The following PRRC2C variants were observed in gnomAD, a reference collection of about 807,000 sequenced individuals.
PRRC2C encodes proline rich coiled-coil 2C, also known as protein PRRC2C.
A neutral mutation model predicts 317.2 loss-of-function variants in PRRC2C; 72 were observed. That is an observed-to-expected ratio of 0.23 (90% CI 0.19 to 0.28). PRRC2C has a LOEUF of 0.28. Ranked by LOEUF, PRRC2C falls within the 10% of genes least tolerant of loss-of-function variation. The pLI, the probability that PRRC2C is intolerant of heterozygous loss-of-function variation, is 1.00. For synonymous variants in PRRC2C, 1,296 were observed against 1,205.9 expected, an observed-to-expected ratio of 1.07 and a Z score of -1.55; for missense variants, 3,074 against 3,459.7, an observed-to-expected ratio of 0.89 and a Z score of 2.80.
intron 1 of PRRC2C, among the ~76,000 whole-genome samples, chr1:171,499,688 C>G (rs1488342945): frequency 6.6e-6 from 1 of 152,110 alleles, no homozygotes; most frequent in Non-Finnish European, 1.5e-5. Context: ...CCTGTAATCC[C>G]AGCTACTCTG....
intron 33 of PRRC2C, 94 bp from the exon 34 acceptor site, chr1:171,589,275 A>ACT (rs1650788674): frequency 1.7e-6 from 1 of 584,362 alleles, no homozygotes; most frequent in Non-Finnish European, 2.5e-6. Flanking sequence ...GCACAGATTT[A>ACT]CTCTGGGATG....
At chr1:171,514,734 G>A in intron 4 of PRRC2C, 89 bp downstream of exon 4, 1 of 1,124,958 alleles carries the variant, frequency 8.9e-7, no homozygotes, top group Non-Finnish European at 1.3e-6. Flanking sequence ...TGTTTTGGTA[G>A]AGCCATAAAG....
chr1:171,535,545 G>A lies in PRRC2C; in HGVS notation c.1991G>A (p.Gly664Asp). Residue 664 changes from glycine (G) to aspartate (D), a missense_variant, in exon 13 of 35, where the codon GGC becomes GAC. By Grantham distance (94) the Gly-to-Asp change is moderately conservative. Transcript: ENST00000647382. ...GSQPRPAVLS[G>D]YFKQFQKSLP... is the part of the protein sequence containing the mutation. ...CAACCTCGGCCGGCTGTATTATCTG[G>A]CTATTTCAAACAGTTTCAGAAGTCT... is the stretch of plus-strand genomic sequence containing the variant. The A allele has an allele frequency of 6.2e-7, 1 of 1,613,970 alleles. No homozygotes were observed. The highest frequency in any genetic ancestry group is 8.5e-7 in the Non-Finnish European group (1 of 1,179,878).
intron 28 of PRRC2C, among the ~76,000 whole-genome samples, chr1:171,583,011 C>T (rs1649042163): frequency 6.6e-6 from 1 of 152,164 alleles, no homozygotes; most frequent in Non-Finnish European, 1.5e-5. Flanking sequence ...GAGACAAGGT[C>T]TGTGTCACCC....
chr1:171,591,397 A>G lies in PRRC2C; in HGVS notation c.8437-190A>G, dbSNP rs1008450211. 3.3e-5 allele frequency: 20 copies of G among 604,226 alleles called. No homozygotes were observed. The African/African-American group carries it at 3.5e-4, about 11-fold the overall frequency. The allele number at this position is 604,226 out of a possible 1,614,324, so 37.4% of individuals were successfully genotyped here. A position where few individuals can be genotyped will look rare whatever the true frequency, so the allele number is the denominator to read the frequency against. On this transcript the variant is annotated intron_variant, in intron 34 of 34. Coordinates refer to ENST00000647382, the MANE Select transcript of PRRC2C (RefSeq NM_001387844.1). Reference sequence around the variant, plus strand: ...GGTTTTTTTTTTTTTTTTAAATCACATGAAATATTTCAAAAATAGGAAGAA... The same window carrying G: ...GGTTTTTTTTTTTTTTTTAAATCACGTGAAATATTTCAAAAATAGGAAGAA...
intron 12 of PRRC2C, among the ~76,000 whole-genome samples, chr1:171,534,649 C>T (rs1676490461): frequency 6.6e-6 from 1 of 151,886 alleles, no homozygotes; most frequent in Admixed American, 6.6e-5. Context: ...TGGTCTCAAA[C>T]TCCCAGGCTA....
intron 20 of PRRC2C, 27 bp downstream of exon 20, chr1:171,561,130 G>T: frequency 6.5e-7 from 1 of 1,537,846 alleles, no homozygotes; most frequent in Non-Finnish European, 9.0e-7. Flanking sequence ...AACAGCATAG[G>T]TGTGCTGGAT....
At chr1:171,588,051 C>T (rs1201768357) in intron 32 of PRRC2C, among the ~76,000 whole-genome samples, 3 of 152,132 alleles carry the variant, frequency 2.0e-5, no homozygotes, top group Non-Finnish European at 2.9e-5. Flanking sequence ...TAGCTCACTG[C>T]AACCTCAAAC....
At chr1:171,490,864 A>G (rs571392489) in intron 1 of PRRC2C, among the ~76,000 whole-genome samples, 1 of 152,290 alleles carries the variant, frequency 6.6e-6, no homozygotes, top group East Asian at 1.9e-4. Flanking sequence ...ATTGTTTTAA[A>G]ACCTAGGTTT....
intron 1 of PRRC2C, among the ~76,000 whole-genome samples, chr1:171,496,662 G>T (rs144472101): frequency 2.6e-5 from 4 of 152,160 alleles, no homozygotes; most frequent in African/African-American, 9.6e-5. Context: ...GTTTTTAATG[G>T]CTGCTGTCTA....
chr1:171,543,358 A>G (rs2102515376), intron 16 of PRRC2C, among the ~76,000 whole-genome samples: 1 of 151,458 alleles, frequency 6.6e-6, no homozygotes, highest in South Asian at 2.1e-4. Context: ...ATAGTAAGCT[A>G]GTATTGATTT....
intron 1 of PRRC2C, among the ~76,000 whole-genome samples, chr1:171,491,737 TAATC>T (rs1382275685): frequency 1.3e-5 from 2 of 152,172 alleles, no homozygotes; most frequent in Non-Finnish European, 2.9e-5. Context: ...ATATTTTTAT[TAATC>T]AAGAAACTAT....
At chr1:171,537,987 G>A (rs1677164464) in intron 15 of PRRC2C, among the ~76,000 whole-genome samples, 1 of 152,090 alleles carries the variant, frequency 6.6e-6, no homozygotes, top group South Asian at 2.1e-4. Context: ...TGCAAGCTCT[G>A]CCTCCCGGGT....
chr1:171,487,532 T>G (rs2207193), intron 1 of PRRC2C, among the ~76,000 whole-genome samples: 4 of 151,998 alleles, frequency 2.6e-5, no homozygotes, highest in South Asian at 2.1e-4. Flanking sequence ...AATTTTTTTG[T>G]GTCCTTTTCT....
chr1:171,548,170 T>C (rs996109051), intron 17 of PRRC2C, among the ~76,000 whole-genome samples: 7 of 151,856 alleles, frequency 4.6e-5, no homozygotes, highest in African/African-American at 1.5e-4. Flanking sequence ...TTTTTTACCA[T>C]GTTAGCCAGG....
Position 171,541,481 on chromosome 1 carries a change from G to A in PRRC2C, c.4015G>A (p.Gly1339Arg). 6.2e-7 allele frequency: 1 copy of A among 1,613,696 alleles called. No homozygotes were observed. ...AGCTAAACCAGGCTTTCTTCCTAAA[G>A]GAGAGCCTACAAGGAGAGGCAGAGG... ...DKAKPGFLPK[G>R]EPTRRGRGGT... Residue 1339 changes from glycine to arginine, a missense_variant, in exon 16 of 35, where the codon GGA becomes AGA. This residue lies in a region of PRRC2C where 1,320 missense variants were observed against 1,395.7 expected (regional missense o/e 0.95). Coordinates refer to ENST00000647382, the MANE Select transcript of PRRC2C (RefSeq NM_001387844.1). The surrounding 1 kb of genome is among the most constrained non-coding windows in gnomAD (Gnocchi z 4.1).
chr1:171,516,236 C>T (rs1052431893), intron 5 of PRRC2C, among the ~76,000 whole-genome samples: 1 of 152,040 alleles, frequency 6.6e-6, no homozygotes, highest in Non-Finnish European at 1.5e-5. Flanking sequence ...TTTCTGAGCT[C>T]AAACTGAGGA....
intron 6 of PRRC2C, among the ~76,000 whole-genome samples, chr1:171,521,974 A>T (rs1301659503): frequency 2.0e-5 from 3 of 152,162 alleles, no homozygotes; most frequent in Non-Finnish European, 4.4e-5. Flanking sequence ...TATTCTATTT[A>T]TAAAGAGTTG....
chr1:171,539,797 C>T (rs1677625593), intron 15 of PRRC2C, among the ~76,000 whole-genome samples, 174 bp from the exon 16 acceptor site: 1 of 152,176 alleles, frequency 6.6e-6, no homozygotes. Flanking sequence ...TAGGCTGTTT[C>T]CACCTCTTGG....
Sources: allele counts gnomAD v4.1 joint callset (sites outside exome capture counted in the v4.1 genomes callset), GRCh38; gene constraint gnomAD v4.1.1; regional missense constraint gnomAD v4.1.1; non-coding constraint Gnocchi (gnomAD v3.1); transcripts MANE v1.5; gene names NCBI Gene and HGNC (gene_info 2026-07-23, HGNC 2026-07-21).